APOL5: variants seen among roughly 807,000 people sequenced by gnomAD.
APOL5 encodes the protein apolipoprotein L, 5.
In APOL5, 29 loss-of-function variants were observed where a neutral mutation model predicts 35.5. The observed-to-expected ratio is 0.82, with a 90% CI of 0.61 to 1.11. APOL5 has a LOEUF of 1.11. APOL5 is among the 50% of genes most tolerant of loss of function. APOL5 has a pLI of 0.00. For missense variants in APOL5, 514 were observed against 530.4 expected (o/e 0.97, Z 0.30); for synonymous variants, 188 against 200.2 (o/e 0.94, Z 0.51).
rs149820935 is a variant in APOL5, at chr22:35,726,370, T to C, written c.302T>C (p.Leu101Ser). ...GGAAATCTGTCAGAGGAGGAAAAAT[T>C]GTTTCTCTCATATTTTCCTTTGCAC... is the stretch of plus-strand genomic sequence containing the variant. ...PDGNLSEEEK[L>S]FLSYFPLHKF... Residue 101 changes from leucine (L) to serine (S), a missense_variant, in exon 3 of 5, where the codon TTG becomes TCG. Leu to Ser is a moderately radical substitution (Grantham distance 145). This residue lies in a region of APOL5 where 254 missense variants were observed against 254.7 expected (regional missense o/e 1.00). Coordinates refer to ENST00000249044, the MANE Select transcript of APOL5 (RefSeq NM_030642.1). 1.2e-6 allele frequency: 2 copies of C among 1,613,988 alleles called. No homozygotes were observed. The highest frequency in any genetic ancestry group is 1.3e-5 in the African/African-American group (1 of 74,930).
chr22:35,722,231 TA>T (rs558058891), intron 2 of APOL5, among the ~76,000 whole-genome samples: 212 of 152,352 alleles, frequency 1.4e-3, no homozygotes, highest in Non-Finnish European at 2.7e-3. Context: ...TGTACAATGT[TA>T]ACCTCTCCTC....
chr22:35,717,235 A>AATATATATATATATATATATAT (rs1555930034), upstream of APOL5, among the ~76,000 whole-genome samples: 4 of 57,636 alleles, frequency 6.9e-5, no homozygotes, highest in East Asian at 9.4e-4. Context: ...AAAAAAAAAA[A>AATATATATATATATATATATAT]ATATATATAT....
chr22:35,725,650 C>T (rs1195301574), intron 2 of APOL5, among the ~76,000 whole-genome samples: 1 of 151,982 alleles, frequency 6.6e-6, no homozygotes, highest in South Asian at 2.1e-4. Flanking sequence ...CATAGGATGT[C>T]GAAGTCGCCC....
intron 2 of APOL5, among the ~76,000 whole-genome samples, chr22:35,724,006 C>G (rs1472745766): frequency 6.6e-6 from 1 of 152,080 alleles, no homozygotes; most frequent in Admixed American, 6.6e-5. Context: ...CAACACTGTC[C>G]CACTGAATGA....
intron 1 of APOL5, among the ~76,000 whole-genome samples, chr22:35,718,558 C>T (rs1926843668): frequency 7.0e-6 from 1 of 143,778 alleles, no homozygotes; most frequent in African/African-American, 2.6e-5. Context: ...CGCGCCATTG[C>T]ACTGCAGCCT....
chr22:35,714,040 G>A (rs958539815), upstream of APOL5, among the ~76,000 whole-genome samples: 8 of 152,124 alleles, frequency 5.3e-5, no homozygotes, highest in South Asian at 2.1e-4. Flanking sequence ...GGCCGGGCGC[G>A]GTGGCTCAAG....
chr22:35,709,081 A>G, the APOL5 span, among the ~76,000 whole-genome samples: 9 of 152,218 alleles, frequency 5.9e-5, no homozygotes, highest in Non-Finnish European at 1.2e-4. Context: ...CAGTCAAAAG[A>G]TGAGTGTGGA....
chr22:35,712,488 G>A, the APOL5 span, among the ~76,000 whole-genome samples: 1 of 152,170 alleles, frequency 6.6e-6, no homozygotes, highest in Non-Finnish European at 1.5e-5. Context: ...AACATGTTGG[G>A]ATTACAGGCA....
At chr22:35,723,087 G>A (rs1196750951) in intron 2 of APOL5, among the ~76,000 whole-genome samples, 1 of 152,168 alleles carries the variant, frequency 6.6e-6, no homozygotes, top group African/African-American at 2.4e-5. Context: ...GGGACCCAGG[G>A]CTGGTCCACT....
At chr22:35,724,009 C>G (rs1357752951) in intron 2 of APOL5, among the ~76,000 whole-genome samples, 7 of 152,124 alleles carry the variant, frequency 4.6e-5, no homozygotes, top group African/African-American at 1.7e-4. Context: ...CACTGTCCCA[C>G]TGAATGACAG....
chr22:35,708,482 C>T, the APOL5 span, among the ~76,000 whole-genome samples: 1 of 151,822 alleles, frequency 6.6e-6, no homozygotes, highest in South Asian at 2.1e-4. Flanking sequence ...CTGTCCAAGA[C>T]CTCCTGAAAC....
At chr22:35,717,971 T>A (rs746924095) in intron 1 of APOL5, 45 bp downstream of exon 1, 4 of 1,471,476 alleles carry the variant, frequency 2.7e-6, no homozygotes, top group Non-Finnish European at 3.7e-6. Context: ...TCTCACGTTG[T>A]ACAAATTGTC....
upstream of APOL5, among the ~76,000 whole-genome samples, chr22:35,713,069 C>A (rs1437425896): frequency 6.6e-6 from 1 of 152,206 alleles, no homozygotes; most frequent in Admixed American, 6.5e-5. Flanking sequence ...TTTGGGAACA[C>A]CCATTGCCTT....
At position 35,722,098 on chromosome 22, in the gene APOL5, C is replaced by CA. The variant is rs559349615; in HGVS notation, c.142+1450dup. 8.2e-3 allele frequency among the ~76,000 whole-genome samples: 1,253 copies of CA among 152,156 alleles called. 16 individuals carry two copies. The highest frequency in any genetic ancestry group is 0.027 in the African/African-American group (1,132 of 41,502). ...TCCCGTTAAGTCTGAGAAAGCTCCCCAAAAAAGGCATTGACTTTTCAGGCA... is the reference window on the plus strand; with the variant it reads ...TCCCGTTAAGTCTGAGAAAGCTCCCCAAAAAAAGGCATTGACTTTTCAGGCA... On this transcript the variant is annotated intron_variant, in intron 2 of 4. Coordinates refer to ENST00000249044, the MANE Select transcript of APOL5 (RefSeq NM_030642.1).
chr22:35,729,225 G>A, intron 4 of APOL5, 129 bp from the exon 5 acceptor site: 1 of 242,068 alleles, frequency 4.1e-6, no homozygotes, highest in Admixed American at 5.9e-5. Context: ...AGTACTAGGT[G>A]TGCAAAGTGA....
At chr22:35,725,496 G>A (rs796984132) in intron 2 of APOL5, among the ~76,000 whole-genome samples, 12 of 151,940 alleles carry the variant, frequency 7.9e-5, no homozygotes, top group South Asian at 2.1e-4. Context: ...CCTGTGATCC[G>A]CTCGCCTGGG....
chr22:35,717,953 C>A, intron 1 of APOL5, 27 bp downstream of exon 1: 1 of 1,531,340 alleles, frequency 6.5e-7, no homozygotes, highest in Non-Finnish European at 8.8e-7. Flanking sequence ...TTTCAGAAAA[C>A]AAGCAATTCT....
the APOL5 span, among the ~76,000 whole-genome samples, chr22:35,709,367 TCACA>T: frequency 0.24 from 35,490 of 149,802 alleles, 5,346 homozygotes; most frequent in East Asian, 0.54. Context: ...CACAAAATTT[TCACA>T]CACACACACA....
Position 35,726,283 on chromosome 22 carries a change from G to A in APOL5, c.215G>A (p.Gly72Asp), listed in dbSNP as rs148423435. Residue 72 changes from glycine to aspartate, a missense_variant, in exon 3 of 5, where the codon GGT (glycine) becomes GAT (aspartate). Gly to Asp is a moderately conservative substitution (Grantham distance 94, BLOSUM62 -1). Around this residue, in one of 3 missense-constraint regions of APOL5, gnomAD observed 254 missense variants for 254.7 expected, o/e 1.00. Coordinates refer to ENST00000249044, the MANE Select transcript of APOL5 (RefSeq NM_030642.1). ...LMSTVHSDEA[G>D]MLSYFLFEEL... ...TCAACTGTCCACAGTGATGAGGCTG[G>A]TATGCTGTCCTACTTTCTGTTTGAA... 12 of 1,614,188 alleles carry A rather than the reference G, an allele frequency of 7.4e-6. No homozygotes were observed. Among genetic ancestry groups the A allele is most frequent in the Non-Finnish European group, 9.3e-6 (11 of 1,180,028 alleles).
Sources: allele counts gnomAD v4.1 joint callset (sites outside exome capture counted in the v4.1 genomes callset), GRCh38; gene constraint gnomAD v4.1.1; regional missense constraint gnomAD v4.1.1; transcripts MANE v1.5; gene names NCBI Gene and HGNC (gene_info 2026-07-23, HGNC 2026-07-21).